Variants in FNDC3B observed in about 807,000 individuals in gnomAD.
The protein encoded by FNDC3B is fibronectin type III domain containing 3B, also known as fibronectin type III domain-containing protein 3B.
Under a neutral mutation model 151.5 loss-of-function variants are expected in FNDC3B, and 12 were observed. That is an observed-to-expected ratio of 0.08 (90% CI 0.05 to 0.13). FNDC3B has a LOEUF of 0.13. Among genes scored for constraint, FNDC3B ranks in the 10% least tolerant of loss-of-function variants. The pLI, the probability that FNDC3B is intolerant of heterozygous loss-of-function variation, is 1.00. For missense variants in FNDC3B, 1,214 were observed against 1,505.3 expected (o/e 0.81, Z 3.20); for synonymous variants, 528 against 549.0 (o/e 0.96, Z 0.54).
intron 9 of FNDC3B, chr3:172,303,121 A>C (rs1478263185): frequency 1.3e-5 from 2 of 152,188 alleles, no homozygotes; most frequent in East Asian, 3.8e-4. Flanking sequence ...CTGTGTATGC[A>C]TCTGCCAGAG....
In FNDC3B at chr3:172,333,079, G is replaced by A. The variant is rs781712808; in HGVS notation, c.1555-10G>A. 1 of 1,585,868 alleles carries A rather than the reference G, an allele frequency of 6.3e-7. No homozygotes were observed. On this transcript the variant is annotated splice_polypyrimidine_tract_variant and intron_variant, in intron 13 of 25. Transcript: ENST00000415807. ...TATACTGATGTTTCTTCCTGGCTTT[G>A]CCTTTTCAGGATAACCTTTTCCACC...
In FNDC3B at chr3:172,188,567, G is replaced by A. The variant is rs1318930987; in HGVS notation, c.188-38304G>A. 3.9e-5 allele frequency among the ~76,000 whole-genome samples: 6 copies of A among 152,076 alleles called. No individual in the cohort carries two copies. The East Asian group carries it at 5.8e-4, about 15-fold the overall frequency. ...ACTTCAGGCGGGTGCCACCACGCCCGGCTAATTTTTTGTATTTTTGGTAGA... is the reference window on the plus strand; with the variant it reads ...ACTTCAGGCGGGTGCCACCACGCCCAGCTAATTTTTTGTATTTTTGGTAGA... On this transcript the variant is annotated intron_variant, in intron 3 of 25. Coordinates refer to ENST00000415807, the MANE Select transcript of FNDC3B (RefSeq NM_022763.4).
intron 3 of FNDC3B, among the ~76,000 whole-genome samples, chr3:172,139,893 T>G (rs1036871930): frequency 6.6e-6 from 1 of 152,020 alleles, no homozygotes. Flanking sequence ...CCTCCTGAGC[T>G]CAAGTGATCT....
intron 23 of FNDC3B, among the ~76,000 whole-genome samples, chr3:172,368,914 G>A (rs1734757666): frequency 6.6e-6 from 1 of 152,168 alleles, no homozygotes; most frequent in Non-Finnish European, 1.5e-5. Context: ...AGGAGCCTGA[G>A]GCAGGAAAAT....
chr3:172,259,677 C>T (rs1265836048), intron 6 of FNDC3B, among the ~76,000 whole-genome samples: 1 of 152,144 alleles, frequency 6.6e-6, no homozygotes, highest in Non-Finnish European at 1.5e-5. Context: ...AAGAGGAAAC[C>T]ATGGTGGCCC....
intron 2 of FNDC3B, among the ~76,000 whole-genome samples, chr3:172,129,002 C>G (rs896843841): frequency 6.6e-6 from 1 of 152,158 alleles, no homozygotes; most frequent in African/African-American, 2.4e-5. Flanking sequence ...CAGTCTTGCT[C>G]TGTTGTCCGG....
At chr3:172,231,028 T>C (rs943307670) in intron 4 of FNDC3B, among the ~76,000 whole-genome samples, 5 of 152,186 alleles carry the variant, frequency 3.3e-5, no homozygotes, top group African/African-American at 1.2e-4. Flanking sequence ...GCATTATTCA[T>C]AATAGCCCCA....
At chr3:172,136,277 G>T (rs2108577881) in intron 3 of FNDC3B, among the ~76,000 whole-genome samples, 1 of 152,338 alleles carries the variant, frequency 6.6e-6, no homozygotes, top group Admixed American at 6.5e-5. Flanking sequence ...GAACAAAAGT[G>T]GTTGGTGGAG....
intron 3 of FNDC3B, among the ~76,000 whole-genome samples, chr3:172,163,446 C>CT (rs1198008818): frequency 6.6e-6 from 1 of 151,894 alleles, no homozygotes; most frequent in Non-Finnish European, 1.5e-5. Context: ...GATGATTTTC[C>CT]TTTTCTTTGT....
At chr3:172,332,923 T>G (rs1732754093) in intron 13 of FNDC3B, among the ~76,000 whole-genome samples, 166 bp from the exon 14 acceptor site, 1 of 152,248 alleles carries the variant, frequency 6.6e-6, no homozygotes, top group African/African-American at 2.4e-5. Context: ...TCAAGTGCTA[T>G]CCACAATACT....
chr3:172,129,169 A>C (rs926399957), intron 2 of FNDC3B, among the ~76,000 whole-genome samples: 1 of 152,064 alleles, frequency 6.6e-6, no homozygotes, highest in Non-Finnish European at 1.5e-5. Context: ...ATGGAGTCTC[A>C]CTATGTTGCT....
chr3:172,112,411 TG>T, intron 1 of FNDC3B, 40 bp from the exon 2 acceptor site: 1 of 997,106 alleles, frequency 1.0e-6, no homozygotes, highest in East Asian at 2.4e-5. Flanking sequence ...GTGATTTTTG[TG>T]GTTCTGAGTC....
chr3:172,182,706 A>G (rs1723974374), intron 3 of FNDC3B, among the ~76,000 whole-genome samples: 1 of 152,198 alleles, frequency 6.6e-6, no homozygotes, highest in African/African-American at 2.4e-5. Flanking sequence ...TGTATCCTCC[A>G]TGTTTTTCGT....
chr3:172,310,748 C>G, intron 10 of FNDC3B, 80 bp from the exon 11 acceptor site: 2 of 992,480 alleles, frequency 2.0e-6, no homozygotes, highest in East Asian at 2.4e-5. Flanking sequence ...ATCATAGACA[C>G]TGTATGTGAG....
chr3:172,284,119 G>A (rs1729884090), intron 6 of FNDC3B, among the ~76,000 whole-genome samples: 1 of 152,156 alleles, frequency 6.6e-6, no homozygotes, highest in Admixed American at 6.5e-5. Flanking sequence ...TAGTCAAGAA[G>A]CGTCTGTTGA....
chr3:172,147,623 G>A (rs1343022489), intron 3 of FNDC3B, among the ~76,000 whole-genome samples: 1 of 152,132 alleles, frequency 6.6e-6, no homozygotes, highest in African/African-American at 2.4e-5. Context: ...GAATCACCTG[G>A]AGGGCCTGTT....
intron 11 of FNDC3B, among the ~76,000 whole-genome samples, chr3:172,315,112 C>T (rs539789346): frequency 6.6e-6 from 1 of 152,316 alleles, no homozygotes; most frequent in African/African-American, 2.4e-5. Flanking sequence ...CGCGGTGGCT[C>T]ACGCCTGTAA....
At chr3:172,271,952 T>C (rs540558242) in intron 6 of FNDC3B, among the ~76,000 whole-genome samples, 1 of 152,336 alleles carries the variant, frequency 6.6e-6, no homozygotes, top group South Asian at 2.1e-4. Flanking sequence ...GCCTAAGATA[T>C]GGTCTTGTTC....
intron 6 of FNDC3B, among the ~76,000 whole-genome samples, chr3:172,269,221 C>T (rs1729065064): frequency 6.6e-6 from 1 of 152,134 alleles, no homozygotes; most frequent in Non-Finnish European, 1.5e-5. Context: ...CAACTTTCTT[C>T]CTATTTTAAA....
Sources: allele counts gnomAD v4.1 joint callset (sites outside exome capture counted in the v4.1 genomes callset), GRCh38; gene constraint gnomAD v4.1.1; transcripts MANE v1.5; gene names NCBI Gene and HGNC (gene_info 2026-07-23, HGNC 2026-07-21).